Variants in GABRA2 observed in about 807,000 individuals in gnomAD.
GABRA2 encodes gamma-aminobutyric acid receptor subunit alpha-2.
GABRA2 carries 16 observed loss-of-function variants against 48.7 expected under a neutral mutation model. That is an observed-to-expected ratio of 0.33 (90% confidence interval 0.22 to 0.50). The LOEUF (loss-of-function observed/expected upper bound fraction) is 0.50, where lower values mean the gene tolerates loss of function less well. GABRA2 is among the 20% of genes least tolerant of loss of function. The probability of loss-of-function intolerance (pLI) is 0.98; values close to 1 mark genes in which losing one functional copy is unlikely to be tolerated. For synonymous variants in GABRA2, 185 were observed against 184.5 expected (o/e 1.00, Z -0.02); for missense variants, 275 against 535.6 (o/e 0.51, Z 4.80).
At chr4:46,289,534 ACTGG>A (rs1182459617) in intron 8 of GABRA2, among the ~76,000 whole-genome samples, 1 of 152,184 alleles carries the variant, frequency 6.6e-6, no homozygotes, top group Non-Finnish European at 1.5e-5. Flanking sequence ...AACAACACAC[ACTGG>A]GGCCTTTCCA....
chr4:46,295,009 T>G (rs1170690632), intron 8 of GABRA2, among the ~76,000 whole-genome samples: 3 of 152,228 alleles, frequency 2.0e-5, no homozygotes, highest in African/African-American at 7.2e-5. Flanking sequence ...TCTCCACTCC[T>G]GCTACCCTGC....
At chr4:46,282,672 C>T (rs1332258894) in intron 8 of GABRA2, among the ~76,000 whole-genome samples, 1 of 152,118 alleles carries the variant, frequency 6.6e-6, no homozygotes, top group Non-Finnish European at 1.5e-5. Flanking sequence ...CTGAAATGGC[C>T]ATTTTGCAAA....
chr4:46,344,945 C>T (rs1358892356), intron 3 of GABRA2, among the ~76,000 whole-genome samples: 1 of 151,698 alleles, frequency 6.6e-6, no homozygotes, highest in Non-Finnish European at 1.5e-5. Context: ...ATTGTATATC[C>T]ATATGATATG....
At chr4:46,387,010 A>G (rs558669735) in intron 2 of GABRA2, 3 of 152,332 alleles carry the variant, frequency 2.0e-5, no homozygotes, top group South Asian at 2.1e-4. Context: ...TTATTTCTCC[A>G]TCATAAAGCC....
At chr4:46,323,460 G>A (rs13131717) in intron 4 of GABRA2, among the ~76,000 whole-genome samples, 3,799 of 151,868 alleles carry the variant, frequency 0.025, 57 homozygotes, top group South Asian at 0.04. Flanking sequence ...CATCCCCTCT[G>A]ATACCACATT....
intron 3 of GABRA2, among the ~76,000 whole-genome samples, chr4:46,341,109 T>C (rs1733141329): frequency 6.6e-6 from 1 of 152,052 alleles, no homozygotes; most frequent in East Asian, 1.9e-4. Context: ...TTTGTCATTA[T>C]TCTCTTTCGG....
intron 8 of GABRA2, among the ~76,000 whole-genome samples, chr4:46,265,261 C>A (rs991881784): frequency 9.4e-5 from 14 of 149,554 alleles, no homozygotes; most frequent in Admixed American, 8.7e-4. Flanking sequence ...GTCTCAAACT[C>A]CTGGCCTCAA....
chr4:46,294,672 C>T (rs1009950884), intron 8 of GABRA2, among the ~76,000 whole-genome samples: 2 of 152,168 alleles, frequency 1.3e-5, no homozygotes, highest in African/African-American at 4.8e-5. Flanking sequence ...CTGGCAGACC[C>T]CCATAGGTGA....
chr4:46,305,045 C>T (rs1283997875), intron 7 of GABRA2, among the ~76,000 whole-genome samples: 1 of 151,490 alleles, frequency 6.6e-6, no homozygotes, highest in African/African-American at 2.4e-5. Context: ...AACTTCAATG[C>T]AACTATTAAT....
rs186907267 is a variant in GABRA2 at position 46,350,544 on chromosome 4, T to C, written c.188-17862A>G. On this transcript the variant is annotated intron_variant, in intron 3 of 9. Coordinates refer to ENST00000381620, the MANE Select transcript of GABRA2 (RefSeq NM_000807.4). ...GTATATAAATACACATGCATCTATCTATATATGTCTCTGTCATATCTAGAT... is the reference window on the plus strand; with the variant it reads ...GTATATAAATACACATGCATCTATCCATATATGTCTCTGTCATATCTAGAT... Among the ~76,000 whole-genome samples, 6 of 151,978 alleles carry C rather than the reference T, an allele frequency of 3.9e-5. No homozygotes were observed. The East Asian group carries it at 1.2e-3, about 29-fold the overall frequency.
chr4:46,269,903 T>A (rs939751232), intron 8 of GABRA2, among the ~76,000 whole-genome samples: 17 of 151,934 alleles, frequency 1.1e-4, no homozygotes, highest in African/African-American at 4.1e-4. Flanking sequence ...ATACAACAAT[T>A]TTAATTTAAA....
At chr4:46,316,044 T>G (rs997982991) in intron 4 of GABRA2, among the ~76,000 whole-genome samples, 1 of 151,896 alleles carries the variant, frequency 6.6e-6, no homozygotes, top group Admixed American at 6.6e-5. Flanking sequence ...ACTTGCATCT[T>G]TTAGCTACTT....
intron 8 of GABRA2, among the ~76,000 whole-genome samples, chr4:46,291,621 G>A (rs1020910811): frequency 2.0e-5 from 3 of 152,010 alleles, no homozygotes; most frequent in East Asian, 1.9e-4. Context: ...TATATATTTC[G>A]CCCAGGCTGA....
intron 6 of GABRA2, among the ~76,000 whole-genome samples, chr4:46,308,803 T>G (rs1208998270): frequency 2.6e-5 from 4 of 152,170 alleles, no homozygotes; most frequent in Admixed American, 2.6e-4. Context: ...GCTTATTTCA[T>G]TTTCAGAATC....
intron 2 of GABRA2, among the ~76,000 whole-genome samples, chr4:46,387,035 G>T (rs954065070): frequency 3.9e-5 from 6 of 152,128 alleles, no homozygotes; most frequent in African/African-American, 1.4e-4. Context: ...ACCTGATTCT[G>T]TGACATGCAG....
chr4:46,371,813 T>G (rs1218231547), intron 3 of GABRA2, among the ~76,000 whole-genome samples: 2 of 152,178 alleles, frequency 1.3e-5, no homozygotes, highest in Non-Finnish European at 1.5e-5. Flanking sequence ...ATTATAAATC[T>G]CTAAGTGTCA....
At chr4:46,337,102 A>G (rs2109834576) in intron 3 of GABRA2, among the ~76,000 whole-genome samples, 1 of 152,270 alleles carries the variant, frequency 6.6e-6, no homozygotes, top group Admixed American at 6.5e-5. Flanking sequence ...AAAAGTGAGT[A>G]AAGAAAAACA....
chr4:46,284,833 A>AT (rs961520538), intron 8 of GABRA2, among the ~76,000 whole-genome samples: 27 of 151,782 alleles, frequency 1.8e-4, no homozygotes, highest in African/African-American at 5.1e-4. Flanking sequence ...AAAGAGTAGT[A>AT]TTTTTTTTAT....
At chr4:46,267,727 GTCATCTAATGAATGGACAGAATATGTAA>G (rs1718527534) in intron 8 of GABRA2, among the ~76,000 whole-genome samples, 1 of 151,930 alleles carries the variant, frequency 6.6e-6, no homozygotes, top group African/African-American at 2.4e-5. Context: ...AGCTTAGGGG[GTCATCTAATGAATGGACAGAATATGTAA>G]TCATTAGCTA....
Sources: gnomAD v4.1 joint callset for allele counts (sites outside exome capture counted in the v4.1 genomes callset) on GRCh38, gnomAD v4.1.1 for gene constraint, MANE v1.5 for transcripts, NCBI Gene and HGNC (gene_info 2026-07-23, HGNC 2026-07-21) for gene names.